KCNH7: variants seen among roughly 807,000 people sequenced by gnomAD.
KCNH7 encodes the protein voltage-gated inwardly rectifying potassium channel KCNH7.
A neutral mutation model predicts 120.8 loss-of-function variants in KCNH7; 49 were observed. That is an observed-to-expected ratio of 0.41 (90% CI 0.32 to 0.51). KCNH7 has a LOEUF of 0.51. KCNH7 is among the 20% of genes least tolerant of loss of function. The pLI is 0.38. For missense variants in KCNH7, 1,097 were observed against 1,446.6 expected (o/e 0.76, Z 3.92); for synonymous variants, 547 against 516.1 (o/e 1.06, Z -0.81).
intron 2 of KCNH7, among the ~76,000 whole-genome samples, chr2:162,553,781 CCTT>C (rs1253541457): frequency 1.3e-5 from 2 of 152,156 alleles, no homozygotes; most frequent in African/African-American, 4.8e-5. Flanking sequence ...GAATGGTTAT[CCTT>C]CTTAACCAGA....
At chr2:162,815,509 G>A (rs1406361105) in intron 2 of KCNH7, among the ~76,000 whole-genome samples, 2 of 152,150 alleles carry the variant, frequency 1.3e-5, no homozygotes, top group Non-Finnish European at 2.9e-5. Context: ...ATTTTGAATT[G>A]ATTTTGAAGC....
intron 2 of KCNH7, among the ~76,000 whole-genome samples, chr2:162,759,079 G>A (rs373769975): frequency 2.6e-5 from 4 of 152,110 alleles, no homozygotes; most frequent in Non-Finnish European, 2.9e-5. Flanking sequence ...TTTCCCAGAT[G>A]GGTAGCTAAA....
At chr2:162,822,758 T>C (rs1487960699) in intron 2 of KCNH7, among the ~76,000 whole-genome samples, 1 of 152,166 alleles carries the variant, frequency 6.6e-6, no homozygotes, top group African/African-American at 2.4e-5. Context: ...CCAGAAGCCA[T>C]GTTAATCAGA....
chr2:162,496,212 C>T (rs80109523), intron 6 of KCNH7, among the ~76,000 whole-genome samples: 5 of 152,238 alleles, frequency 3.3e-5, no homozygotes, highest in East Asian at 3.9e-4. Context: ...CCCCAACAGC[C>T]GTTGGGGGTC....
At chr2:162,552,830 G>C (rs774058426) in intron 2 of KCNH7, among the ~76,000 whole-genome samples, 19 of 152,150 alleles carry the variant, frequency 1.2e-4, no homozygotes, top group Non-Finnish European at 2.8e-4. Flanking sequence ...TATGACCATG[G>C]AAAATGGATT....
chr2:162,591,573 G>C (rs1462308471), intron 2 of KCNH7, among the ~76,000 whole-genome samples: 1 of 152,012 alleles, frequency 6.6e-6, no homozygotes, highest in Admixed American at 6.6e-5. Flanking sequence ...CAATTAATTT[G>C]CATGCAGTGG....
intron 8 of KCNH7, among the ~76,000 whole-genome samples, chr2:162,434,819 A>G (rs1433697642): frequency 6.6e-6 from 1 of 151,830 alleles, no homozygotes; most frequent in Non-Finnish European, 1.5e-5. Context: ...CATTTTTTAT[A>G]TCTATCTATC....
At chr2:162,374,858 G>A (rs1354050122) in intron 14 of KCNH7, among the ~76,000 whole-genome samples, 1 of 151,976 alleles carries the variant, frequency 6.6e-6, no homozygotes, top group Non-Finnish European at 1.5e-5. Context: ...AATGATACAT[G>A]ACTTTGCAAA....
chr2:162,667,665 A>G (rs1339024191), intron 2 of KCNH7, among the ~76,000 whole-genome samples: 2 of 152,126 alleles, frequency 1.3e-5, no homozygotes, highest in Non-Finnish European at 2.9e-5. Flanking sequence ...GGTTTCACTA[A>G]TATTTTAATT....
At chr2:162,380,205 G>A (rs1686367551) in intron 13 of KCNH7, among the ~76,000 whole-genome samples, 184 bp from the exon 14 acceptor site, 2 of 152,188 alleles carry the variant, frequency 1.3e-5, no homozygotes, top group Admixed American at 1.3e-4. Context: ...CTTTCACCCT[G>A]CTGGCCCTAC....
intron 2 of KCNH7, among the ~76,000 whole-genome samples, chr2:162,777,722 C>A (rs1477835821): frequency 1.3e-5 from 2 of 152,040 alleles, no homozygotes; most frequent in Non-Finnish European, 2.9e-5. Flanking sequence ...AAGCACTTAC[C>A]AACAGCCTTA....
chr2:162,738,360 C>T lies in KCNH7; in HGVS notation c.307+98177G>A, dbSNP rs147514439. On this transcript the variant is annotated intron_variant, in intron 2 of 15. Transcript: ENST00000332142. ...ACCCTTGTTGACTACCAAGAAGTCTCTGCCAGAGTTCTTCAGCACAGAGGA... is the reference window on the plus strand; with the variant it reads ...ACCCTTGTTGACTACCAAGAAGTCTTTGCCAGAGTTCTTCAGCACAGAGGA... 7.0e-3 allele frequency among the ~76,000 whole-genome samples: 1,073 copies of T among 152,242 alleles called. 10 individuals are homozygous for T. The highest frequency in any genetic ancestry group is 9.2e-3 in the Non-Finnish European group (624 of 68,012).
chr2:162,748,528 T>C (rs1688393980), intron 2 of KCNH7, among the ~76,000 whole-genome samples: 2 of 152,150 alleles, frequency 1.3e-5, no homozygotes, highest in Admixed American at 1.3e-4. Flanking sequence ...GAAATGAAAA[T>C]AGAAGACTCC....
At chr2:162,378,699 C>A (rs12475446) in intron 14 of KCNH7, among the ~76,000 whole-genome samples, 2 of 152,134 alleles carry the variant, frequency 1.3e-5, no homozygotes, top group Non-Finnish European at 2.9e-5. Context: ...GGTAAACAAC[C>A]GTCATCCCAA....
intron 2 of KCNH7, among the ~76,000 whole-genome samples, chr2:162,812,399 A>T (rs936388957): frequency 6.6e-6 from 1 of 152,102 alleles, no homozygotes; most frequent in Non-Finnish European, 1.5e-5. Flanking sequence ...AGTGATGAGG[A>T]TCTAGATCAA....
At chr2:162,821,689 G>C (rs1326280788) in intron 2 of KCNH7, among the ~76,000 whole-genome samples, 1 of 152,120 alleles carries the variant, frequency 6.6e-6, no homozygotes, top group Non-Finnish European at 1.5e-5. Context: ...AAAGAATCTT[G>C]CTTTGGATAA....
chr2:162,635,322 C>T (rs1424060796), intron 2 of KCNH7, among the ~76,000 whole-genome samples: 1 of 151,976 alleles, frequency 6.6e-6, no homozygotes, highest in Non-Finnish European at 1.5e-5. Context: ...ATGAAGTTGC[C>T]ATTCTTGGGA....
chr2:162,756,590 G>A (rs1347612833), intron 2 of KCNH7, among the ~76,000 whole-genome samples: 1 of 152,090 alleles, frequency 6.6e-6, no homozygotes, highest in Non-Finnish European at 1.5e-5. Flanking sequence ...TCAGCTTCCT[G>A]AATAGCTGGG....
At chr2:162,648,335 G>A (rs960583638) in intron 2 of KCNH7, among the ~76,000 whole-genome samples, 1 of 152,126 alleles carries the variant, frequency 6.6e-6, no homozygotes. Flanking sequence ...CAGATCTCCT[G>A]AGAAGTAACT....
Sources: gnomAD v4.1 joint callset for allele counts (sites outside exome capture counted in the v4.1 genomes callset) on GRCh38, gnomAD v4.1.1 for gene constraint, MANE v1.5 for transcripts, NCBI Gene and HGNC (gene_info 2026-07-23, HGNC 2026-07-21) for gene names.